Variants in ZNF814 observed in about 807,000 individuals in gnomAD.
ZNF814 encodes the protein zinc finger protein 814.
ZNF814 carries 5 observed loss-of-function variants against 7.5 expected under a neutral mutation model. The ratio of observed to expected loss-of-function variants is 0.67; its 90% CI spans 0.35 to 1.40. The LOEUF is 1.40. Ranked by LOEUF, ZNF814 falls within the 40% of genes most tolerant of loss-of-function variation. The pLI is 0.04. For synonymous variants in ZNF814, 315 were observed against 340.7 expected, an observed-to-expected ratio of 0.92 and a Z score of 0.83; for missense variants, 962 against 1,018.0, an observed-to-expected ratio of 0.94 and a Z score of 0.75.
the ZNF814 span, among the ~76,000 whole-genome samples, chr19:57,895,514 A>G: frequency 1.3e-5 from 2 of 151,696 alleles, no homozygotes; most frequent in African/African-American, 2.4e-5. Flanking sequence ...GGTCTCAGGC[A>G]ATCCGCCCGC....
chr19:57,875,872 T>C (rs2071601811), intron 2 of ZNF814, among the ~76,000 whole-genome samples: 1 of 147,680 alleles, frequency 6.8e-6, no homozygotes, highest in Admixed American at 6.9e-5. Context: ...ACAAAACTAC[T>C]ACTAAAATAG....
chr19:57,883,091 GC>G (rs1299369034), intron 1 of ZNF814, among the ~76,000 whole-genome samples: 8 of 151,704 alleles, frequency 5.3e-5, no homozygotes, highest in African/African-American at 1.9e-4. Context: ...GGGTGTGGTG[GC>G]TCACACCTGT....
At chr19:57,885,557 G>C (rs933918342) in intron 1 of ZNF814, among the ~76,000 whole-genome samples, 10 of 150,732 alleles carry the variant, frequency 6.6e-5, no homozygotes, top group African/African-American at 2.4e-4. Context: ...GTGAATCTGG[G>C]CAGCAGAGGT....
intron 1 of ZNF814, among the ~76,000 whole-genome samples, chr19:57,878,603 C>A (rs576454288): frequency 1.3e-5 from 2 of 151,898 alleles, no homozygotes; most frequent in Non-Finnish European, 2.9e-5. Flanking sequence ...GGATTACAGG[C>A]ATGTACCACC....
the ZNF814 span, among the ~76,000 whole-genome samples, chr19:57,897,913 T>G: frequency 6.6e-6 from 1 of 152,306 alleles, no homozygotes; most frequent in Admixed American, 6.5e-5. Context: ...TGCTGTTACC[T>G]TATACAAAAC....
At chr19:57,892,605 A>G (rs1249148066), upstream of ZNF814, among the ~76,000 whole-genome samples, 2 of 152,216 alleles carry the variant, frequency 1.3e-5, no homozygotes, top group Admixed American at 6.5e-5. Context: ...TGACAGGACT[A>G]GGAATGTACA....
chr19:57,885,182 T>G (rs1451423313), intron 1 of ZNF814, among the ~76,000 whole-genome samples: 1 of 151,708 alleles, frequency 6.6e-6, no homozygotes, highest in Non-Finnish European at 1.5e-5. Context: ...ATTACCCAGG[T>G]GTGGTGGCAC....
chr19:57,888,274 G>C (rs547175085), intron 1 of ZNF814, among the ~76,000 whole-genome samples: 6 of 152,282 alleles, frequency 3.9e-5, no homozygotes, highest in African/African-American at 1.4e-4. Context: ...AAGTGAACTG[G>C]AATCACAAGA....
At chr19:57,901,216 T>C in the ZNF814 span, among the ~76,000 whole-genome samples, 1 of 152,128 alleles carries the variant, frequency 6.6e-6, no homozygotes, top group Non-Finnish European at 1.5e-5. Context: ...AAGAGATAGT[T>C]GAAAGAGCTC....
intron 2 of ZNF814, among the ~76,000 whole-genome samples, chr19:57,876,055 GTTCA>G (rs2071605119): frequency 6.9e-6 from 1 of 145,346 alleles, no homozygotes; most frequent in Non-Finnish European, 1.5e-5. Context: ...CCCCTCCTGG[GTTCA>G]AGCAATTCTC....
In ZNF814 at chr19:57,888,807, C is replaced by T; in HGVS notation, c.-5G>A. On this transcript the variant is annotated 5_prime_UTR_variant, in exon 1 of 3. Coordinates refer to ENST00000435989, the MANE Select transcript of ZNF814 (RefSeq NM_001144989.2). ...CAGCGTAGCCGCGGCAGCCATCGAA[C>T]CACGTGGTTTTAAGCAGAGTCGGGA... 2 of 1,551,840 alleles carry T rather than the reference C, an allele frequency of 1.3e-6. No homozygotes were observed. Among genetic ancestry groups the T allele is most frequent in the Non-Finnish European group, 1.7e-6 (2 of 1,147,080 alleles).
chr19:57,903,485 A>C, the ZNF814 span, among the ~76,000 whole-genome samples: 1 of 152,154 alleles, frequency 6.6e-6, no homozygotes, highest in Admixed American at 6.5e-5. Context: ...TTTTTGCGTT[A>C]CTCCTCATAG....
chr19:57,877,041 C>A lies in ZNF814; in HGVS notation c.38G>T (p.Gly13Val), dbSNP rs758489931. ...AGCCACATCTTCAAAAGTCACTGTGCCCTGTTATGATGTTGACAGATGAAA... is the reference window on the plus strand; with the variant it reads ...AGCCACATCTTCAAAAGTCACTGTGACCTGTTATGATGTTGACAGATGAAA... ...AAATLRLSAQ[G>V]TVTFEDVAVN... is the part of the protein sequence containing the mutation. The change falls in exon 2 of 3, where the codon GGC becomes GTC. Residue 13 changes from glycine to valine, a missense_variant and splice_region_variant. This residue lies in a region of ZNF814 where 63 missense variants were observed against 65.0 expected (regional missense o/e 0.97). Coordinates refer to ENST00000435989, the MANE Select transcript of ZNF814 (RefSeq NM_001144989.2). 2.6e-5 allele frequency: 42 copies of A among 1,613,820 alleles called. 2 individuals are homozygous for A. The highest frequency in any genetic ancestry group is 1.8e-4 in the East Asian group (8 of 44,892).
At chr19:57,885,259 T>A (rs1600140117) in intron 1 of ZNF814, among the ~76,000 whole-genome samples, 1 of 150,934 alleles carries the variant, frequency 6.6e-6, no homozygotes, top group Admixed American at 6.6e-5. Flanking sequence ...GAGGCGGAGG[T>A]TGCAGTGAGC....
the ZNF814 span, among the ~76,000 whole-genome samples, chr19:57,896,510 T>G: frequency 6.6e-6 from 1 of 152,186 alleles, no homozygotes; most frequent in East Asian, 1.9e-4. This position sits in a 1 kb window ranked among gnomAD's most constrained non-coding sequence, Gnocchi z 4.2. Flanking sequence ...GCTGTAAAAT[T>G]TACTGCTCCT....
At position 57,872,990 on chromosome 19, in the gene ZNF814, A is replaced by G. The variant is rs773879122; in HGVS notation, c.2400T>C (p.Tyr800=). The change falls in exon 3 of 3, where the codon TAT becomes TAC. Residue 800 remains tyrosine (Y), a synonymous_variant. Coordinates refer to ENST00000435989, the MANE Select transcript of ZNF814 (RefSeq NM_001144989.2). ...AAGATTTTCCACATTCACTGCACTCATAAGGCTTTTCTCCAGTGTGAACTC... is the reference window on the plus strand; with the variant it reads ...AAGATTTTCCACATTCACTGCACTCGTAAGGCTTTTCTCCAGTGTGAACTC... ...HKRVHTGEKP[Y]ECSECGKSFA... is the part of the protein sequence containing the mutation. The G allele has an allele frequency of 2.1e-5, 34 of 1,613,916 alleles. 1 individual carries two copies. The South Asian group carries it at 3.6e-4, about 17-fold the overall frequency.
chr19:57,875,943 C>CTTTTTTTTTTTTTTTTTTTTTTT (rs567660556), intron 2 of ZNF814, among the ~76,000 whole-genome samples: 2 of 71,436 alleles, frequency 2.8e-5, no homozygotes, highest in Non-Finnish European at 5.3e-5. Context: ...CAGGGTGCCG[C>CTTTTTTTTTTTTTTTTTTTTTTT]TTTTTTTTTT....
the ZNF814 span, among the ~76,000 whole-genome samples, chr19:57,897,053 C>A: frequency 6.6e-6 from 1 of 152,112 alleles, no homozygotes; most frequent in African/African-American, 2.4e-5. Flanking sequence ...GAAAAATATC[C>A]TTTTTTCAGT....
intron 2 of ZNF814, 81 bp downstream of exon 2, chr19:57,876,835 C>T: frequency 1.3e-6 from 2 of 1,586,392 alleles, no homozygotes; most frequent in Non-Finnish European, 8.6e-7. Flanking sequence ...ATGCTCCTGA[C>T]ATGAGAAAGT....
Sources: gnomAD v4.1 joint callset for allele counts (sites outside exome capture counted in the v4.1 genomes callset) on GRCh38, gnomAD v4.1.1 for gene constraint, gnomAD v4.1.1 regional missense constraint, Gnocchi (gnomAD v3.1) non-coding constraint, MANE v1.5 for transcripts, NCBI Gene and HGNC (gene_info 2026-07-23, HGNC 2026-07-21) for gene names.